GPATCH8: variants seen among roughly 807,000 people sequenced by gnomAD.
GPATCH8 encodes the protein G patch domain-containing protein 8.
GPATCH8 carries 18 observed loss-of-function variants against 118.3 expected under a neutral mutation model. That is an observed-to-expected ratio of 0.15 (90% CI 0.11 to 0.23). The LOEUF (loss-of-function observed/expected upper bound fraction) is 0.23, where lower values mean the gene tolerates loss of function less well. Among genes scored for constraint, GPATCH8 ranks in the 10% least tolerant of loss-of-function variants. GPATCH8 has a pLI of 1.00. For synonymous variants in GPATCH8, 659 were observed against 684.7 expected, an observed-to-expected ratio of 0.96 and a Z score of 0.59; for missense variants, 1,631 against 1,873.8, an observed-to-expected ratio of 0.87 and a Z score of 2.39.
At chr17:44,477,721 C>T (rs1243454069) in intron 1 of GPATCH8, among the ~76,000 whole-genome samples, 2 of 149,960 alleles carry the variant, frequency 1.3e-5, no homozygotes, top group African/African-American at 4.9e-5. Flanking sequence ...AAAAAAAGGA[C>T]TTAAAAGTGG....
chr17:44,405,807 G>A (rs971473161), intron 7 of GPATCH8, 114 bp downstream of exon 7: 116 of 875,342 alleles, frequency 1.3e-4, no homozygotes, highest in Middle Eastern at 3.5e-4. Context: ...CCTGGCACAA[G>A]GTTTTTAATT....
In GPATCH8 at chr17:44,437,959, A is replaced by C. The variant is rs56914340; in HGVS notation, c.194-1414T>G. On this transcript the variant is annotated intron_variant, in intron 3 of 7. Transcript: ENST00000591680. ...ATCTCATGTCAGAAAAAAAAAAAAA[A>C]CAAAACAACAACTTCTAGAATACAG... 4.6e-3 allele frequency among the ~76,000 whole-genome samples: 662 copies of C among 143,174 alleles called. 9 individuals are homozygous for C. Among genetic ancestry groups the C allele is most frequent in the African/African-American group, 0.016 (636 of 39,286 alleles). 93.9% of individuals were successfully genotyped at this position (143,174 alleles called of 152,430 possible). A position where few individuals can be genotyped will look rare whatever the true frequency, so the allele number is the denominator to read the frequency against.
intron 7 of GPATCH8, 57 bp downstream of exon 7, chr17:44,405,859 ATAATT>A: frequency 8.5e-7 from 1 of 1,170,692 alleles, no homozygotes; most frequent in East Asian, 2.4e-5. Flanking sequence ...TCTGAAATCT[ATAATT>A]TAAAATTTTA....
chr17:44,431,246 C>A (rs2050300784), intron 5 of GPATCH8, among the ~76,000 whole-genome samples: 1 of 151,576 alleles, frequency 6.6e-6, no homozygotes, highest in African/African-American at 2.4e-5. Context: ...TGATGGTGCA[C>A]ACCTGTAATC....
intron 1 of GPATCH8, among the ~76,000 whole-genome samples, chr17:44,480,969 C>G (rs1273597064): frequency 4.6e-5 from 7 of 152,114 alleles, no homozygotes; most frequent in Admixed American, 1.3e-4. Context: ...TGCAGTGGCA[C>G]CATCATGGCT....
intron 6 of GPATCH8, among the ~76,000 whole-genome samples, chr17:44,420,497 T>A (rs1365050164): frequency 2.6e-5 from 4 of 152,216 alleles, no homozygotes; most frequent in Admixed American, 2.6e-4. Context: ...GGCCTCAACC[T>A]ACTAGATGCC....
chr17:44,455,371 C>T (rs1019080093), intron 3 of GPATCH8, among the ~76,000 whole-genome samples: 4 of 151,936 alleles, frequency 2.6e-5, no homozygotes, highest in Admixed American at 6.6e-5. Context: ...CGTGGTGGCA[C>T]ATGCCTGTAA....
chr17:44,403,691 C>CTT (rs35050888), intron 7 of GPATCH8, among the ~76,000 whole-genome samples: 2 of 145,926 alleles, frequency 1.4e-5, no homozygotes, highest in African/African-American at 5.1e-5. Context: ...TGTAATCTCT[C>CTT]TTTTTTTTTT....
At chr17:44,477,649 GA>G (rs67573804) in intron 1 of GPATCH8, among the ~76,000 whole-genome samples, 6,168 of 145,530 alleles carry the variant, frequency 0.042, 417 homozygotes, top group African/African-American at 0.15. Context: ...TAAAGAAAGG[GA>G]AAAAAAAGAA....
chr17:44,448,400 A>G (rs2050967398), intron 3 of GPATCH8, among the ~76,000 whole-genome samples: 1 of 151,018 alleles, frequency 6.6e-6, no homozygotes, highest in Admixed American at 6.6e-5. Flanking sequence ...TCTATGAAAA[A>G]AATTTAAAAA....
chr17:44,427,078 A>G lies in GPATCH8; in HGVS notation c.349-2586T>C, dbSNP rs1347225300. ...ATATGTAATTGCCTAAATTAATATT[A>G]CTATTTTTTTTTTTTGAGACAGCGT... On this transcript the variant is annotated intron_variant, in intron 5 of 7. Coordinates refer to ENST00000591680, the MANE Select transcript of GPATCH8 (RefSeq NM_001002909.4). 5.3e-5 allele frequency among the ~76,000 whole-genome samples: 8 copies of G among 151,600 alleles called. No individual in the cohort carries two copies. In the East Asian group the frequency reaches 1.6e-3, roughly 30 times the overall value.
intron 1 of GPATCH8, among the ~76,000 whole-genome samples, chr17:44,500,249 C>G (rs1969959868): frequency 6.6e-6 from 1 of 152,194 alleles, no homozygotes; most frequent in East Asian, 1.9e-4. Flanking sequence ...TGCCATTTAA[C>G]AGATGTATGT....
chr17:44,468,797 T>C (rs886281528), intron 2 of GPATCH8, among the ~76,000 whole-genome samples: 2 of 152,132 alleles, frequency 1.3e-5, no homozygotes, highest in African/African-American at 2.4e-5. Context: ...TTTTTTCTTC[T>C]AAAGTCAACT....
rs529234808 is a variant in GPATCH8 at position 44,489,525 on chromosome 17, A to G, written c.45+13801T>C. Among the ~76,000 whole-genome samples the G allele has an allele frequency of 4.6e-5, 7 of 152,164 alleles. No individual in the cohort carries two copies. In the South Asian group the frequency reaches 1.2e-3, roughly 27 times the overall value. On this transcript the variant is annotated intron_variant, in intron 1 of 7. Transcript: ENST00000591680. ...CTGGCTAATTTTTGTATTTTAGTAGAGACGGGATTTCACCATGTTGGCCAG... is the reference window on the plus strand; with the variant it reads ...CTGGCTAATTTTTGTATTTTAGTAGGGACGGGATTTCACCATGTTGGCCAG...
At chr17:44,420,296 A>G (rs914517360) in intron 6 of GPATCH8, among the ~76,000 whole-genome samples, 2 of 152,254 alleles carry the variant, frequency 1.3e-5, no homozygotes, top group Non-Finnish European at 2.9e-5. Flanking sequence ...TGTTTACAAC[A>G]TAACTTGGGA....
chr17:44,463,774 G>A (rs2051654188), intron 3 of GPATCH8, among the ~76,000 whole-genome samples: 1 of 152,194 alleles, frequency 6.6e-6, no homozygotes, highest in African/African-American at 2.4e-5. Flanking sequence ...GAACGCAGTT[G>A]GTTGGTTTCC....
chr17:44,451,736 T>G (rs1231337808), intron 3 of GPATCH8, among the ~76,000 whole-genome samples: 1 of 152,218 alleles, frequency 6.6e-6, no homozygotes, highest in African/African-American at 2.4e-5. Context: ...ATACTCATCA[T>G]GAAGAATATA....
intron 3 of GPATCH8, among the ~76,000 whole-genome samples, chr17:44,450,910 AATT>A (rs1168259298): frequency 5.3e-5 from 8 of 152,146 alleles, no homozygotes; most frequent in Admixed American, 2.0e-4. Flanking sequence ...TTCACTTGTT[AATT>A]ATTATAAAAA....
At chr17:44,418,046 A>G (rs1284324333) in intron 6 of GPATCH8, among the ~76,000 whole-genome samples, 1 of 152,204 alleles carries the variant, frequency 6.6e-6, no homozygotes, top group East Asian at 1.9e-4. Flanking sequence ...ATGTACTAGG[A>G]GGACCTTTAG....
Sources: allele counts gnomAD v4.1 joint callset (sites outside exome capture counted in the v4.1 genomes callset), GRCh38; gene constraint gnomAD v4.1.1; transcripts MANE v1.5; gene names NCBI Gene and HGNC (gene_info 2026-07-23, HGNC 2026-07-21).